C12orf56: variants seen among roughly 807,000 people sequenced by gnomAD.
The protein encoded by C12orf56 is uncharacterized protein C12orf56.
C12orf56 carries 71 observed loss-of-function variants against 69.9 expected under a neutral mutation model. That is an observed-to-expected ratio of 1.02 (90% CI 0.84 to 1.24). C12orf56 has a LOEUF of 1.24. Ranked by LOEUF, C12orf56 falls within the 50% of genes most tolerant of loss-of-function variation. The pLI, the probability that C12orf56 is intolerant of heterozygous loss-of-function variation, is 0.00. For missense variants in C12orf56, 732 were observed against 738.5 expected (o/e 0.99, Z 0.10); for synonymous variants, 276 against 274.1 (o/e 1.01, Z -0.07).
intron 1 of C12orf56, among the ~76,000 whole-genome samples, chr12:64,389,702 G>A (rs2039842289): frequency 1.3e-5 from 2 of 152,056 alleles, no homozygotes; most frequent in African/African-American, 4.8e-5. Context: ...TCACCATGTT[G>A]GCCAGCCTGG....
At chr12:64,345,596 A>G (rs2039130518) in intron 2 of C12orf56, among the ~76,000 whole-genome samples, 1 of 152,160 alleles carries the variant, frequency 6.6e-6, no homozygotes, top group Non-Finnish European at 1.5e-5. Flanking sequence ...GACTTGCATG[A>G]TAAGAGCTTG....
chr12:64,353,194 G>A, intron 1 of C12orf56, 138 bp from the exon 2 acceptor site: 1 of 777,610 alleles, frequency 1.3e-6, no homozygotes, highest in Non-Finnish European at 2.0e-6. Flanking sequence ...GTCTCACCCT[G>A]ACACCCAGGC....
chr12:64,367,967 C>T (rs1303996682), intron 1 of C12orf56, among the ~76,000 whole-genome samples: 1 of 151,490 alleles, frequency 6.6e-6, no homozygotes, highest in Non-Finnish European at 1.5e-5. Flanking sequence ...GCCACCACGC[C>T]CAGCTAATTT....
rs2039859031 is a variant in C12orf56, at chr12:64,390,702, C to T, written c.-137G>A. On this transcript the variant is annotated 5_prime_UTR_variant, in exon 1 of 13. Transcript: ENST00000543942. ...TCCTCTCCAGGCGCGGGGACCCGGG[C>T]CGCAACTGCAGGAATCGACGCTAGG... is the stretch of plus-strand genomic sequence containing the variant. 57 of 1,255,136 alleles carry T rather than the reference C, an allele frequency of 4.5e-5. No homozygotes were observed. The South Asian group carries it at 9.8e-4, about 22-fold the overall frequency. The allele number at this position is 1,255,136 out of a possible 1,614,324, so 77.7% of individuals were successfully genotyped here.
At chr12:64,362,716 A>G (rs2039414941) in intron 1 of C12orf56, among the ~76,000 whole-genome samples, 1 of 152,120 alleles carries the variant, frequency 6.6e-6, no homozygotes, top group African/African-American at 2.4e-5. Context: ...AAGTAAAGCA[A>G]TAAGAATGGC....
chr12:64,385,235 C>T (rs55851981), intron 1 of C12orf56, among the ~76,000 whole-genome samples: 10,928 of 152,198 alleles, frequency 0.072, 524 homozygotes, highest in Middle Eastern at 0.16. Flanking sequence ...ACATCAAACA[C>T]ATACTGAGAT....
intron 9 of C12orf56, among the ~76,000 whole-genome samples, chr12:64,277,276 A>G (rs1449845854): frequency 6.6e-6 from 1 of 152,092 alleles, no homozygotes; most frequent in Admixed American, 6.6e-5. Context: ...ATGGTAAAGT[A>G]TAAGAGTTAA....
intron 6 of C12orf56, among the ~76,000 whole-genome samples, chr12:64,286,817 C>T (rs1261369798): frequency 6.6e-6 from 1 of 152,038 alleles, no homozygotes; most frequent in African/African-American, 2.4e-5. Context: ...GTATGCGTCC[C>T]CTTATTCAGG....
chr12:64,281,536 C>T (rs747651501), intron 8 of C12orf56, among the ~76,000 whole-genome samples: 2 of 152,074 alleles, frequency 1.3e-5, no homozygotes, highest in African/African-American at 4.8e-5. Context: ...CATGCCATTG[C>T]ACTCCAGCCT....
At chr12:64,319,674 G>A (rs764247298) in intron 3 of C12orf56, among the ~76,000 whole-genome samples, 6 of 152,156 alleles carry the variant, frequency 3.9e-5, no homozygotes, top group African/African-American at 7.2e-5. Flanking sequence ...CTTTAAACAC[G>A]GGGCTTGCAA....
At position 64,383,306 on chromosome 12, in the gene C12orf56, C is replaced by CA. The variant is rs138264809; in HGVS notation, c.252+7007dup. 1.9e-3 allele frequency among the ~76,000 whole-genome samples: 269 copies of CA among 138,070 alleles called. 2 individuals are homozygous for CA. The highest frequency in any genetic ancestry group is 3.1e-3 in the Admixed American group (44 of 13,990). 90.6% of individuals were successfully genotyped at this position (138,070 alleles called of 152,430 possible). On this transcript the variant is annotated intron_variant, in intron 1 of 12. Transcript: ENST00000543942. ...CAATCCAGCCTGGGCAACAAAGTCT[C>CA]AAAAAAAAAAAAACCAAGAAAAACC... is the stretch of plus-strand genomic sequence containing the variant.
intron 6 of C12orf56, among the ~76,000 whole-genome samples, chr12:64,286,910 C>T (rs550370744): frequency 6.2e-4 from 95 of 152,112 alleles, no homozygotes; most frequent in Admixed American, 1.2e-3. Flanking sequence ...GGATGTTTAC[C>T]GGATACTCTC....
intron 3 of C12orf56, among the ~76,000 whole-genome samples, chr12:64,320,215 C>T (rs1480291206): frequency 2.0e-5 from 3 of 152,214 alleles, no homozygotes. Context: ...CACCACATAG[C>T]CCAAGATTCC....
intron 12 of C12orf56, among the ~76,000 whole-genome samples, chr12:64,268,262 A>C (rs1334545512): frequency 6.6e-6 from 1 of 152,208 alleles, no homozygotes; most frequent in African/African-American, 2.4e-5. Context: ...CAAACTAAAC[A>C]GTACATGATG....
intron 5 of C12orf56, among the ~76,000 whole-genome samples, chr12:64,308,157 A>G (rs868267146): frequency 1.4e-4 from 22 of 151,832 alleles, no homozygotes; most frequent in Admixed American, 1.4e-3. Context: ...AGTCTCTACT[A>G]AAAAACTACA....
intron 1 of C12orf56, among the ~76,000 whole-genome samples, chr12:64,354,583 G>T (rs1330986316): frequency 2.0e-5 from 3 of 151,864 alleles, no homozygotes; most frequent in African/African-American, 7.2e-5. Context: ...TCAGCCTCCG[G>T]AGTATCTGGG....
At chr12:64,330,767 A>C (rs2038919523) in intron 3 of C12orf56, among the ~76,000 whole-genome samples, 193 bp downstream of exon 3, 1 of 152,238 alleles carries the variant, frequency 6.6e-6, no homozygotes, top group Non-Finnish European at 1.5e-5. Flanking sequence ...GAAAATTAGA[A>C]AAACTATACT....
intron 9 of C12orf56, among the ~76,000 whole-genome samples, chr12:64,275,633 A>AT (rs1397998767): frequency 8.6e-5 from 13 of 151,868 alleles, no homozygotes; most frequent in African/African-American, 1.7e-4. Flanking sequence ...GGCTAATCTT[A>AT]TTTTTTTAAT....
At chr12:64,358,482 A>C (rs144122067) in intron 1 of C12orf56, among the ~76,000 whole-genome samples, 2,480 of 125,874 alleles carry the variant, frequency 0.02, 77 homozygotes, top group African/African-American at 0.067. Context: ...TAATAATAAT[A>C]ATCATCATCA....
Sources: gnomAD v4.1 joint callset for allele counts (sites outside exome capture counted in the v4.1 genomes callset) on GRCh38, gnomAD v4.1.1 for gene constraint, MANE v1.5 for transcripts, NCBI Gene and HGNC (gene_info 2026-07-23, HGNC 2026-07-21) for gene names.